The following ARFGEF1 variants were observed in gnomAD, a reference collection of about 807,000 sequenced individuals.
The protein encoded by ARFGEF1 is brefeldin A-inhibited guanine nucleotide-exchange protein 1.
A neutral mutation model predicts 231.0 loss-of-function variants in ARFGEF1; 42 were observed. That is an observed-to-expected ratio of 0.18 (90% confidence interval 0.14 to 0.24). The LOEUF (loss-of-function observed/expected upper bound fraction) is 0.24. Ranked by LOEUF, ARFGEF1 falls within the 10% of genes least tolerant of loss-of-function variation. ARFGEF1 has a pLI of 1.00. For missense variants in ARFGEF1, 1,345 were observed against 2,192.0 expected (o/e 0.61, Z 7.72); for synonymous variants, 710 against 732.3 (o/e 0.97, Z 0.49).
intron 2 of ARFGEF1, 33 bp downstream of exon 2, chr8:67,302,403 T>C: frequency 6.5e-7 from 1 of 1,543,788 alleles, no homozygotes; most frequent in Non-Finnish European, 8.7e-7. Flanking sequence ...AGTTTGAAAA[T>C]TATTTTTACT....
intron 9 of ARFGEF1, among the ~76,000 whole-genome samples, chr8:67,273,444 A>G (rs1346675328): frequency 1.4e-5 from 2 of 144,060 alleles, no homozygotes; most frequent in Non-Finnish European, 3.0e-5. Flanking sequence ...AAAAAAAAAA[A>G]AGTAGCCCAA....
chr8:67,316,704 CCCT>C (rs1807334319), intron 1 of ARFGEF1, among the ~76,000 whole-genome samples: 1 of 152,144 alleles, frequency 6.6e-6, no homozygotes, highest in Non-Finnish European at 1.5e-5. Context: ...AAGTGATCTG[CCCT>C]CCTCGACCTC....
At chr8:67,220,513 T>G (rs1240454086) in intron 29 of ARFGEF1, among the ~76,000 whole-genome samples, 2 of 152,194 alleles carry the variant, frequency 1.3e-5, no homozygotes, top group Non-Finnish European at 2.9e-5. Context: ...TTGGGTAAAA[T>G]AACATTACAA....
At chr8:67,266,262 G>A (rs1804846174) in intron 13 of ARFGEF1, 55 bp from the exon 14 acceptor site, 1 of 1,438,444 alleles carries the variant, frequency 7.0e-7, no homozygotes, top group Non-Finnish European at 9.5e-7. Context: ...AAAAAAAAGT[G>A]TAAGGGCAAA....
downstream of ARFGEF1, chr8:67,175,228 T>C: frequency 1.7e-6 from 2 of 1,174,818 alleles, no homozygotes; most frequent in Admixed American, 4.2e-5. Context: ...TTACTTACAG[T>C]GAAGTTTTAC....
At chr8:67,211,453 A>G in intron 34 of ARFGEF1, 30 bp downstream of exon 34, 1 of 1,520,318 alleles carries the variant, frequency 6.6e-7, no homozygotes, top group Non-Finnish European at 8.8e-7. Context: ...ATAAAACACA[A>G]ATTTATTTTT....
At chr8:67,243,493 G>C (rs931701728) in intron 19 of ARFGEF1, among the ~76,000 whole-genome samples, 1 of 152,122 alleles carries the variant, frequency 6.6e-6, no homozygotes, top group African/African-American at 2.4e-5. Flanking sequence ...CACGGGAAAA[G>C]ACCTGCCCCC....
intron 17 of ARFGEF1, among the ~76,000 whole-genome samples, chr8:67,254,744 C>T (rs987179917): frequency 6.6e-6 from 1 of 152,020 alleles, no homozygotes; most frequent in African/African-American, 2.4e-5. Context: ...GATTATTCTG[C>T]AAACAGATTT....
intron 22 of ARFGEF1, among the ~76,000 whole-genome samples, chr8:67,235,090 GTGTGTGTGTGTATATATATACAC>G (rs1186930558): frequency 1.4e-5 from 2 of 145,806 alleles, no homozygotes; most frequent in Non-Finnish European, 3.0e-5. Context: ...ATATATGTGT[GTGTGTGTGTGTATATATATACAC>G]ACACACACAC....
chr8:67,339,773 G>GT (rs1480369128), intron 1 of ARFGEF1, among the ~76,000 whole-genome samples: 2 of 49,482 alleles, frequency 4.0e-5, no homozygotes, highest in Non-Finnish European at 8.0e-5. Flanking sequence ...CTTATCAGTT[G>GT]TAACAGTGTA....
intron 38 of ARFGEF1, chr8:67,200,137 T>C (rs1321194538): frequency 8.6e-6 from 4 of 464,308 alleles, no homozygotes; most frequent in Admixed American, 2.8e-5. Context: ...CTTGTCAAGG[T>C]ATCCCAAGGG....
chr8:67,292,043 C>A lies in ARFGEF1; in HGVS notation c.720G>T (p.Glu240Asp). 1 of 1,613,958 alleles carries A rather than the reference C, an allele frequency of 6.2e-7. No individual in the cohort carries two copies. Among genetic ancestry groups the A allele is most frequent in the Non-Finnish European group, 8.5e-7 (1 of 1,179,884 alleles). ...AATATCTAAGTTGAGGTGATTCAGG[C>A]TCGTGATGGCTTACTGGAGACTGTA... ...HLLQSPVSHH[E>D]PESPQLRYLP... The change falls in exon 6 of 39, where the codon GAG becomes GAT. Residue 240 changes from glutamate (E) to aspartate (D), a missense_variant. Transcript: ENST00000262215.
intron 5 of ARFGEF1, chr8:67,180,018 G>T (rs878905603): frequency 1.6e-6 from 1 of 614,906 alleles, no homozygotes; most frequent in Non-Finnish European, 2.7e-6. Context: ...TGTTGTACAA[G>T]GTAGTAAAAA....
chr8:67,333,594 G>A (rs1808206164), intron 1 of ARFGEF1, among the ~76,000 whole-genome samples: 1 of 152,038 alleles, frequency 6.6e-6, no homozygotes, highest in Non-Finnish European at 1.5e-5. Context: ...GATTTCAGGT[G>A]TGAGCCGCCA....
intron 34 of ARFGEF1, 57 bp downstream of exon 34, chr8:67,211,426 T>A: frequency 7.4e-7 from 1 of 1,353,808 alleles, no homozygotes; most frequent in Admixed American, 2.5e-5. Context: ...AAACCAAAAA[T>A]GTTAACCCTT....
At chr8:67,343,107 G>GGCC in intron 1 of ARFGEF1, 57 bp downstream of exon 1, 2 of 426,112 alleles carry the variant, frequency 4.7e-6, no homozygotes, top group Non-Finnish European at 7.1e-6. Flanking sequence ...CCCCACAGGC[G>GGCC]CCCCCCTCCC....
At chr8:67,313,007 AAC>A (rs1293078993) in intron 1 of ARFGEF1, among the ~76,000 whole-genome samples, 2 of 152,210 alleles carry the variant, frequency 1.3e-5, no homozygotes, top group Non-Finnish European at 2.9e-5. Flanking sequence ...GACAACAAAA[AAC>A]AGAGGGAACA....
intron 1 of ARFGEF1, among the ~76,000 whole-genome samples, chr8:67,328,789 T>C (rs572166217): frequency 6.6e-6 from 1 of 152,356 alleles, no homozygotes; most frequent in Non-Finnish European, 1.5e-5. Flanking sequence ...AAAATGTCTT[T>C]ATAAATCAAG....
At chr8:67,238,201 T>C (rs1319888538) in intron 22 of ARFGEF1, 142 bp downstream of exon 22, 25 of 819,738 alleles carry the variant, frequency 3.0e-5, no homozygotes, top group Non-Finnish European at 3.9e-5. Context: ...AAGATTTAGT[T>C]CCTTAGTCAT....
Sources: allele counts gnomAD v4.1 joint callset (sites outside exome capture counted in the v4.1 genomes callset), GRCh38; gene constraint gnomAD v4.1.1; transcripts MANE v1.5; gene names NCBI Gene and HGNC (gene_info 2026-07-23, HGNC 2026-07-21).